Variants in KLC1 observed in about 807,000 individuals in gnomAD.
KLC1 encodes kinesin 2 60/70kDa.
In KLC1, 30 loss-of-function variants were observed where a neutral mutation model predicts 84.2. That is an observed-to-expected ratio of 0.36 (90% CI 0.27 to 0.48). The LOEUF (loss-of-function observed/expected upper bound fraction) is 0.48. KLC1 is among the 20% of genes least tolerant of loss of function. KLC1 has a pLI of 0.99. For synonymous variants in KLC1, 289 were observed against 293.3 expected (o/e 0.99, Z 0.15); for missense variants, 499 against 805.4 (o/e 0.62, Z 4.60).
At chr14:103,662,288 A>G (rs1025866202) in intron 4 of KLC1, 94 bp downstream of exon 4, 20 of 1,019,058 alleles carry the variant, frequency 2.0e-5, no homozygotes, top group African/African-American at 1.3e-4. Context: ...GCCTTAGTGC[A>G]TGCGGCCTGC....
At position 103,692,352 on chromosome 14, in the gene KLC1, G is replaced by T; in HGVS notation, c.1782-7G>T. On this transcript the variant is annotated splice_region_variant and splice_polypyrimidine_tract_variant and intron_variant, in intron 14 of 16. Coordinates refer to ENST00000334553, the MANE Select transcript of KLC1 (RefSeq NM_001394837.1). Reference sequence around the variant, plus strand: ...TTTGTCCTTGCATGTCCGTGTCCGGGTTGCAGCATGAAGCGTGCCAGCTCT... The same window carrying T: ...TTTGTCCTTGCATGTCCGTGTCCGGTTTGCAGCATGAAGCGTGCCAGCTCT... The T allele has an allele frequency of 1.3e-6, 2 of 1,536,618 alleles. No homozygotes were observed. The highest frequency in any genetic ancestry group is 1.2e-5 in the South Asian group (1 of 84,066).
intron 5 of KLC1, among the ~76,000 whole-genome samples, chr14:103,668,861 T>A (rs1164691178): frequency 1.3e-5 from 2 of 151,948 alleles, no homozygotes; most frequent in Non-Finnish European, 2.9e-5. Flanking sequence ...CACTGCAAGC[T>A]CCACCTCCCA....
chr14:103,661,210 GC>G (rs1371119149), intron 3 of KLC1, among the ~76,000 whole-genome samples: 1 of 152,138 alleles, frequency 6.6e-6, no homozygotes, highest in Non-Finnish European at 1.5e-5. Flanking sequence ...CTCCTCTGCA[GC>G]TCATACTCTC....
intron 14 of KLC1, among the ~76,000 whole-genome samples, chr14:103,689,085 A>G (rs151285933): frequency 3.3e-5 from 5 of 152,262 alleles, no homozygotes; most frequent in African/African-American, 9.6e-5. Flanking sequence ...CCTTGGAATG[A>G]TGTGAGGTGT....
intron 9 of KLC1, among the ~76,000 whole-genome samples, chr14:103,674,419 CTTTTTTT>C (rs71460691): frequency 6.8e-6 from 1 of 146,724 alleles, no homozygotes; most frequent in Non-Finnish European, 1.5e-5. Context: ...TGCTTGTTTT[CTTTTTTT>C]TTTTTGAGGT....
intron 2 of KLC1, 88 bp downstream of exon 2, chr14:103,654,913 A>T (rs2078714849): frequency 2.8e-6 from 4 of 1,409,018 alleles, no homozygotes; most frequent in Non-Finnish European, 2.9e-6. Context: ...ACTAAAGAAG[A>T]GGAAAGATGA....
chr14:103,682,688 A>C (rs2081459461), intron 13 of KLC1: 2 of 151,990 alleles, frequency 1.3e-5, no homozygotes, highest in Admixed American at 1.3e-4. Flanking sequence ...TCTCGAGAAA[A>C]AAAAGAAAAA....
intron 5 of KLC1, among the ~76,000 whole-genome samples, chr14:103,668,718 A>T (rs1009364291): frequency 4.0e-5 from 6 of 151,772 alleles, no homozygotes; most frequent in Admixed American, 3.9e-4. Context: ...TGACCTCGTG[A>T]TCCGCCCGCC....
intron 9 of KLC1, among the ~76,000 whole-genome samples, chr14:103,675,289 C>T (rs1270733104): frequency 1.3e-5 from 2 of 152,164 alleles, no homozygotes; most frequent in Admixed American, 6.5e-5. Flanking sequence ...CACACCACTG[C>T]ACTCCAGCCT....
At chr14:103,653,066 T>C (rs1474920353) in intron 1 of KLC1, among the ~76,000 whole-genome samples, 1 of 152,192 alleles carries the variant, frequency 6.6e-6, no homozygotes, top group Non-Finnish European at 1.5e-5. Flanking sequence ...ATCCATTCAC[T>C]ACATGGACTT....
At chr14:103,640,016 A>C (rs1162370273) in intron 1 of KLC1, among the ~76,000 whole-genome samples, 1 of 152,140 alleles carries the variant, frequency 6.6e-6, no homozygotes, top group Admixed American at 6.6e-5. Context: ...TGGCCTCCCA[A>C]AGTGCTGGGA....
rs568579877 is a variant in KLC1, at chr14:103,644,406, C to T, written c.-1-10158C>T. ...CCCGAGTAGCTGGGATTACAGGCTC[C>T]CGCCACCACACCCGGCTAATTTTTT... On this transcript the variant is annotated intron_variant, in intron 1 of 16. Coordinates refer to ENST00000334553, the MANE Select transcript of KLC1 (RefSeq NM_001394837.1). Among the ~76,000 whole-genome samples the T allele has an allele frequency of 1.1e-4, 16 of 151,742 alleles. No individual in the cohort carries two copies. The East Asian group carries it at 3.2e-3, about 30-fold the overall frequency.
intron 1 of KLC1, among the ~76,000 whole-genome samples, chr14:103,651,725 C>A (rs147368171): frequency 6.6e-6 from 1 of 152,344 alleles, no homozygotes; most frequent in East Asian, 1.9e-4. Context: ...AGCTGCTCAC[C>A]AGCAGTGGGT....
intron 15 of KLC1, among the ~76,000 whole-genome samples, chr14:103,699,737 T>G (rs2082965635): frequency 6.6e-6 from 1 of 152,086 alleles, no homozygotes; most frequent in Admixed American, 6.5e-5. Flanking sequence ...CCCAATTCTG[T>G]ATTTTTCTCA....
At chr14:103,667,717 A>T (rs115615483) in intron 5 of KLC1, among the ~76,000 whole-genome samples, 2,468 of 152,346 alleles carry the variant, frequency 0.016, 64 homozygotes, top group African/African-American at 0.056. Flanking sequence ...TAATAGGATG[A>T]AAGAAGAAAC....
chr14:103,673,900 G>T (rs2080647207), intron 9 of KLC1, among the ~76,000 whole-genome samples: 1 of 151,844 alleles, frequency 6.6e-6, no homozygotes, highest in Non-Finnish European at 1.5e-5. Flanking sequence ...TCCAGCCTGG[G>T]CAACAGAGTG....
In KLC1 at chr14:103,670,215, T is replaced by C. The variant is rs1236433467; in HGVS notation, c.919T>C (p.Tyr307His). ...AATLNNLAVL[Y>H]GKRGKYKEAE... ...GACTTTGAATAACCTTGCAGTCCTT[T>C]ATGGTAAAAGAGGGAAGTACAAAGA... The change falls in exon 7 of 17, where the codon TAT becomes CAT. Residue 307 changes from tyrosine to histidine, a missense_variant. By Grantham distance (83) the Tyr-to-His change is moderately conservative. Transcript: ENST00000334553. 5 of 1,613,690 alleles carry C rather than the reference T, an allele frequency of 3.1e-6. No homozygotes were observed. The highest frequency in any genetic ancestry group is 1.1e-5 in the South Asian group (1 of 91,060).
chr14:103,652,098 A>G (rs1450884499), intron 1 of KLC1, among the ~76,000 whole-genome samples: 2 of 152,342 alleles, frequency 1.3e-5, no homozygotes, highest in East Asian at 1.9e-4. Flanking sequence ...AAAAGAATAT[A>G]TGTTGCATCA....
Position 103,677,525 on chromosome 14 carries a change from T to A in KLC1, c.1488+2T>A. 6.3e-7 allele frequency: 1 copy of A among 1,590,764 alleles called. No homozygotes were observed. The highest frequency in any genetic ancestry group is 8.6e-7 in the Non-Finnish European group (1 of 1,158,964). On this transcript the variant is annotated splice_donor_variant, in intron 12 of 16. Coordinates refer to ENST00000334553, the MANE Select transcript of KLC1 (RefSeq NM_001394837.1). LOFTEE classifies it high-confidence loss of function. ...GCTGCTATGAGGTCTCGTAAACAGGTTAGTCATACTTCTGTCCTTAACCGG... is the reference window on the plus strand; with the variant it reads ...GCTGCTATGAGGTCTCGTAAACAGGATAGTCATACTTCTGTCCTTAACCGG...
Sources: allele counts gnomAD v4.1 joint callset (sites outside exome capture counted in the v4.1 genomes callset), GRCh38; gene constraint gnomAD v4.1.1; transcripts MANE v1.5; gene names NCBI Gene and HGNC (gene_info 2026-07-23, HGNC 2026-07-21).